RAD51D: variants seen among roughly 807,000 people sequenced by gnomAD.
RAD51D encodes the protein RAD51 paralog D, also known as DNA repair protein RAD51 homolog 4.
Under a neutral mutation model 44.1 loss-of-function variants are expected in RAD51D, and 38 were observed. The ratio of observed to expected loss-of-function variants is 0.86; its 90% CI spans 0.67 to 1.13. The LOEUF is 1.13. RAD51D is among the 50% of genes most tolerant of loss of function. The probability of loss-of-function intolerance (pLI) is 0.00; values close to 1 mark genes in which losing one functional copy is unlikely to be tolerated. For synonymous variants in RAD51D, 141 were observed against 166.6 expected (o/e 0.85, Z 1.18); for missense variants, 390 against 414.0 (o/e 0.94, Z 0.50).
chr17:35,116,411 T>C (rs1228068358), intron 3 of RAD51D, among the ~76,000 whole-genome samples: 1 of 152,254 alleles, frequency 6.6e-6, no homozygotes, highest in East Asian at 1.9e-4. Flanking sequence ...TGCCGTTTGC[T>C]AACTGCACAA....
rs45496096 is a variant in RAD51D, at chr17:35,101,148, G to A, written c.903+53C>T. ...CTTCTCGAAGACATCTGTGGGTATG[G>A]AAACCACCCTCCAGGGCCCAAGATT... On this transcript the variant is annotated intron_variant, in intron 9 of 9. Transcript: ENST00000345365. 0.017 allele frequency: 28,116 copies of A among 1,613,746 alleles called. 280 individuals are homozygous for A. Among genetic ancestry groups the A allele is most frequent in the Non-Finnish European group, 0.021 (24,860 of 1,179,678 alleles).
rs373975416 is a variant in RAD51D, at chr17:35,106,395, C to T, written c.567G>A (p.Val189=). ...AGAACAGCAGGCTCACCTGCTGGGC[C>T]ACAGTGCCTCGGAGCTCCTGCAGCA... ...LDVLQELRGT[V]AQQVTGSSGT... The change falls in exon 6 of 10, where the codon GTG becomes GTA. Residue 189 remains valine, a synonymous_variant. Coordinates refer to ENST00000345365, the MANE Select transcript of RAD51D (RefSeq NM_002878.4). 6 of 1,612,908 alleles carry T rather than the reference C, an allele frequency of 3.7e-6. No individual in the cohort carries two copies. The highest frequency in any genetic ancestry group is 1.3e-5 in the African/African-American group (1 of 74,900).
At position 35,098,239 on chromosome 17, in the gene RAD51D, GA is replaced by G. The variant is rs1259493101; in HGVS notation, c.*2713del. ...GACTGAAAATTAAATAAAATGTGGGGATTTTTTTTTTCTTTTTGAAACAGAG... is the reference window on the plus strand; with the variant it reads ...GACTGAAAATTAAATAAAATGTGGGGTTTTTTTTTTCTTTTTGAAACAGAG... On this transcript the variant is annotated 3_prime_UTR_variant, in exon 10 of 10. Coordinates refer to ENST00000345365, the MANE Select transcript of RAD51D (RefSeq NM_002878.4). 1 of 151,986 alleles carries G rather than the reference GA, an allele frequency of 6.6e-6. No homozygotes were observed. Among genetic ancestry groups the G allele is most frequent in the East Asian group, 1.9e-4 (1 of 5,190 alleles). The allele number at this position is 151,986 out of a possible 1,614,324, so 9.4% of individuals were successfully genotyped here. A position where few individuals can be genotyped will look rare whatever the true frequency, so the allele number is the denominator to read the frequency against.
intron 6 of RAD51D, 50 bp downstream of exon 6, chr17:35,106,336 A>G: frequency 2.7e-6 from 4 of 1,476,528 alleles, no homozygotes; most frequent in Non-Finnish European, 3.8e-6. Flanking sequence ...CCACAGAGAT[A>G]GCACCTAGAA....
rs1482466289 is a variant in RAD51D, at chr17:35,097,169, G to GAGTAC, written c.*3779_*3783dup. 1 of 152,106 alleles carries GAGTAC rather than the reference G, an allele frequency of 6.6e-6. No individual in the cohort carries two copies. The highest frequency in any genetic ancestry group is 1.9e-4 in the East Asian group (1 of 5,192). The allele number at this position is 152,106 out of a possible 1,614,324, so 9.4% of individuals were successfully genotyped here. The stretch of plus-strand genomic sequence containing the variant: ...GAGTCTCACTCTGTTGCCCAGGCTA[G>GAGTAC]AGTACAGTGGCACAATCTCGGCTCA... On this transcript the variant is annotated 3_prime_UTR_variant, in exon 10 of 10. Coordinates refer to ENST00000345365, the MANE Select transcript of RAD51D (RefSeq NM_002878.4).
intron 3 of RAD51D, among the ~76,000 whole-genome samples, chr17:35,112,713 T>C (rs1025355466): frequency 6.6e-6 from 1 of 152,172 alleles, no homozygotes; most frequent in Non-Finnish European, 1.5e-5. Context: ...AGTTTTGACA[T>C]GTTCACTGTG....
intron 3 of RAD51D, among the ~76,000 whole-genome samples, chr17:35,115,761 T>C (rs1483184942): frequency 1.3e-5 from 2 of 151,520 alleles, no homozygotes; most frequent in African/African-American, 4.9e-5. Context: ...TCCCAGCTAC[T>C]CGGGAGGCTG....
chr17:35,110,276 T>C (rs932935956), intron 3 of RAD51D, among the ~76,000 whole-genome samples: 1 of 152,134 alleles, frequency 6.6e-6, no homozygotes, highest in African/African-American at 2.4e-5. Flanking sequence ...TTGCCCATTT[T>C]CTAATTGAAT....
chr17:35,104,765 T>C (rs2091579174), intron 6 of RAD51D: 1 of 152,192 alleles, frequency 6.6e-6, no homozygotes, highest in Admixed American at 6.5e-5. Flanking sequence ...AAACTGTTTT[T>C]GATGCTTCTT....
intron 3 of RAD51D, among the ~76,000 whole-genome samples, chr17:35,116,359 T>TA (rs2091746751): frequency 6.6e-6 from 1 of 152,256 alleles, no homozygotes; most frequent in Non-Finnish European, 1.5e-5. Flanking sequence ...GCCGCGTTCT[T>TA]AGACTTAGGA....
rs902028572 is a variant in RAD51D at position 35,100,218 on chromosome 17, T to C, written c.*735A>G. 6 of 532,452 alleles carry C rather than the reference T, an allele frequency of 1.1e-5. No individual in the cohort carries two copies. The highest frequency in any genetic ancestry group is 5.1e-4 in the Middle Eastern group (1 of 1,946). The allele number at this position is 532,452 out of a possible 1,614,324, so 33.0% of individuals were successfully genotyped here. The stretch of plus-strand genomic sequence containing the variant: ...TACCCTCCCTTTCTGTTAAATTATA[T>C]CCCTGGAACTGCAGCGAGCCCACAC... On this transcript the variant is annotated 3_prime_UTR_variant, in exon 10 of 10. Transcript: ENST00000345365.
rs2142397707 is a variant in RAD51D, at chr17:35,093,053, G to A, written c.*7900C>T. 1 of 152,290 alleles carries A rather than the reference G, an allele frequency of 6.6e-6. No individual in the cohort carries two copies. The highest frequency in any genetic ancestry group is 2.4e-5 in the African/African-American group (1 of 41,548). 9.4% of individuals were successfully genotyped at this position (152,290 alleles called of 1,614,324 possible). A position where few individuals can be genotyped will look rare whatever the true frequency, so the allele number is the denominator to read the frequency against. On this transcript the variant is annotated 3_prime_UTR_variant, in exon 10 of 10. Transcript: ENST00000345365. ...AAGCATGGGGCTGTGTGACTGCACT[G>A]GTCATACCACCATGTAGCTGGGCCT...
rs34531142 is a variant in RAD51D, at chr17:35,107,737, C to CTT, written c.264-292_264-291dup. Among the ~76,000 whole-genome samples the CTT allele has an allele frequency of 3.5e-3, 330 of 94,046 alleles. 16 individuals are homozygous for CTT. The highest frequency in any genetic ancestry group is 5.9e-3 in the African/African-American group (121 of 20,600). The allele number at this position is 94,046 out of a possible 152,430, so 61.7% of individuals were successfully genotyped here. On this transcript the variant is annotated intron_variant, in intron 3 of 9. Transcript: ENST00000345365. ...TTTCATCTCAGGCCCTGTGGGTTTC[C>CTT]TTTTTTTTTTTTTTTTTTTTTTTTT...
intron 3 of RAD51D, among the ~76,000 whole-genome samples, chr17:35,116,504 TA>T (rs1257925475): frequency 1.3e-5 from 2 of 152,196 alleles, no homozygotes; most frequent in African/African-American, 4.8e-5. Flanking sequence ...TATTTTATTT[TA>T]TTTTTTTGAG....
At chr17:35,107,223 A>G (rs2142435324) in intron 4 of RAD51D, 101 bp from the exon 5 acceptor site, 1 of 1,499,292 alleles carries the variant, frequency 6.7e-7, no homozygotes, top group Admixed American at 1.7e-5. Context: ...AAATGGGCTG[A>G]GTCCCGACCC....
intron 3 of RAD51D, among the ~76,000 whole-genome samples, chr17:35,107,855 A>G (rs2091627629): frequency 1.4e-5 from 2 of 148,108 alleles, no homozygotes; most frequent in South Asian, 2.1e-4. Context: ...CCCAGGCTCA[A>G]GTGATTTTCC....
chr17:35,108,868 C>CTT (rs35092882), intron 3 of RAD51D, among the ~76,000 whole-genome samples: 3 of 122,642 alleles, frequency 2.4e-5, no homozygotes, highest in Non-Finnish European at 5.0e-5. Flanking sequence ...TTTTTCTTTT[C>CTT]TTTTTTTTTT....
In RAD51D at chr17:35,119,766, C is replaced by G. The variant is rs1416025954; in HGVS notation, c.-153G>C. On this transcript the variant is annotated 5_prime_UTR_variant, in exon 1 of 10. Coordinates refer to ENST00000345365, the MANE Select transcript of RAD51D (RefSeq NM_002878.4). ...GAAAGGAGAGAGGAGGAGGCGGCAC[C>G]AAGGGTAGGGCTGGGGGTCATCCGC... 1 of 789,154 alleles carries G rather than the reference C, an allele frequency of 1.3e-6. No homozygotes were observed. The highest frequency in any genetic ancestry group is 2.7e-5 in the East Asian group (1 of 37,608). The allele number at this position is 789,154 out of a possible 1,614,324, so 48.9% of individuals were successfully genotyped here.
chr17:35,109,039 G>A (rs1304818226), intron 3 of RAD51D, among the ~76,000 whole-genome samples: 3 of 151,860 alleles, frequency 2.0e-5, no homozygotes, highest in African/African-American at 7.3e-5. Context: ...GATAATTTTT[G>A]TATTTTTAGT....
Sources: allele counts gnomAD v4.1 joint callset (sites outside exome capture counted in the v4.1 genomes callset), GRCh38; gene constraint gnomAD v4.1.1; transcripts MANE v1.5; gene names NCBI Gene and HGNC (gene_info 2026-07-23, HGNC 2026-07-21).